The following MAST4 variants were observed in gnomAD, a reference collection of about 807,000 sequenced individuals.
The protein encoded by MAST4 is microtubule-associated serine/threonine-protein kinase 4.
MAST4 carries 89 observed loss-of-function variants against 162.7 expected under a neutral mutation model. The ratio of observed to expected loss-of-function variants is 0.55; its 90% CI spans 0.46 to 0.65. MAST4 has a LOEUF of 0.65. MAST4 is among the 30% of genes least tolerant of loss of function. The probability of loss-of-function intolerance (pLI) is 0.00; values close to 1 mark genes in which losing one functional copy is unlikely to be tolerated. For missense variants in MAST4, 3,153 were observed against 3,374.0 expected, an observed-to-expected ratio of 0.93 and a Z score of 1.62; for synonymous variants, 1,479 against 1,361.1, an observed-to-expected ratio of 1.09 and a Z score of -1.91.
chr5:66,624,444 C>T (rs1452998445), intron 1 of MAST4, among the ~76,000 whole-genome samples: 5 of 152,012 alleles, frequency 3.3e-5, no homozygotes, highest in Admixed American at 2.0e-4. Context: ...TGAGCCACAG[C>T]GCCCGGCCTG....
chr5:66,648,582 C>G (rs1746017037), intron 1 of MAST4, among the ~76,000 whole-genome samples: 2 of 151,924 alleles, frequency 1.3e-5, no homozygotes, highest in African/African-American at 4.8e-5. Flanking sequence ...ACCCAAGACT[C>G]CAAAGAAAAT....
intron 3 of MAST4, 123 bp downstream of exon 3, chr5:66,788,917 C>A: frequency 8.0e-7 from 1 of 1,252,008 alleles, no homozygotes; most frequent in Non-Finnish European, 1.0e-6. Flanking sequence ...ACATATTTGG[C>A]AATGTGGAAT....
intron 1 of MAST4, among the ~76,000 whole-genome samples, chr5:66,659,357 C>T (rs956938458): frequency 5.9e-5 from 9 of 152,154 alleles, no homozygotes; most frequent in South Asian, 4.1e-4. Flanking sequence ...CATCTGATTT[C>T]GAATCTGTTT....
At chr5:66,955,799 G>T (rs1231422525) in intron 4 of MAST4, among the ~76,000 whole-genome samples, 1 of 152,092 alleles carries the variant, frequency 6.6e-6, no homozygotes, top group African/African-American at 2.4e-5. Flanking sequence ...ATGCACACAA[G>T]TATATACATA....
At chr5:66,799,140 C>G (rs948935766) in intron 3 of MAST4, among the ~76,000 whole-genome samples, 7 of 152,240 alleles carry the variant, frequency 4.6e-5, no homozygotes, top group Admixed American at 4.6e-4. Flanking sequence ...TGGTAGTAAA[C>G]CACCTGCCAT....
chr5:66,599,004 C>A (rs1240323326), intron 1 of MAST4, among the ~76,000 whole-genome samples: 1 of 152,176 alleles, frequency 6.6e-6, no homozygotes, highest in Non-Finnish European at 1.5e-5. Flanking sequence ...TTTGTGAAAT[C>A]TCAGAATTGC....
At chr5:67,145,078 C>A in intron 22 of MAST4, 66 bp from the exon 23 acceptor site, 1 of 1,376,100 alleles carries the variant, frequency 7.3e-7, no homozygotes, top group South Asian at 1.3e-5. Flanking sequence ...CTGGTTTCTT[C>A]CAAAATTCAC....
At chr5:66,752,055 G>T (rs2149595438) in intron 1 of MAST4, among the ~76,000 whole-genome samples, 1 of 152,230 alleles carries the variant, frequency 6.6e-6, no homozygotes, top group East Asian at 1.9e-4. Context: ...AGCTTCGTAA[G>T]TGAAGGAGAA....
chr5:66,899,157 G>A (rs1350473243), intron 3 of MAST4, among the ~76,000 whole-genome samples: 1 of 152,092 alleles, frequency 6.6e-6, no homozygotes, highest in African/African-American at 2.4e-5. Context: ...AATTATTCTT[G>A]AGCTTTGAAA....
chr5:67,098,723 G>A (rs1458124130), intron 7 of MAST4, among the ~76,000 whole-genome samples: 1 of 151,958 alleles, frequency 6.6e-6, no homozygotes, highest in Non-Finnish European at 1.5e-5. Flanking sequence ...TTCATTCTTT[G>A]GACCCTTCTC....
intron 4 of MAST4, among the ~76,000 whole-genome samples, chr5:66,966,547 A>G (rs78917409): frequency 3.3e-4 from 50 of 152,318 alleles, no homozygotes; most frequent in African/African-American, 1.2e-3. Flanking sequence ...ATGGCCTTCA[A>G]GGATGCCTTG....
At chr5:66,706,342 T>C (rs16895509) in intron 1 of MAST4, among the ~76,000 whole-genome samples, 1 of 152,044 alleles carries the variant, frequency 6.6e-6, no homozygotes, top group African/African-American at 2.4e-5. Flanking sequence ...CAAAATGAGT[T>C]GGAGGACAGA....
At chr5:66,826,191 G>A (rs1386918063) in intron 3 of MAST4, among the ~76,000 whole-genome samples, 1 of 151,772 alleles carries the variant, frequency 6.6e-6, no homozygotes, top group Non-Finnish European at 1.5e-5. Flanking sequence ...TAAAATGTAT[G>A]TGTATCACTT....
intron 4 of MAST4, among the ~76,000 whole-genome samples, chr5:67,012,041 C>A (rs747258831): frequency 5.3e-5 from 8 of 152,158 alleles, no homozygotes; most frequent in Non-Finnish European, 1.2e-4. Flanking sequence ...TGTGTCTTCA[C>A]TCAAGGCAGT....
intron 1 of MAST4, among the ~76,000 whole-genome samples, chr5:66,599,953 A>AT (rs1742450477): frequency 6.6e-6 from 1 of 150,864 alleles, no homozygotes; most frequent in Non-Finnish European, 1.5e-5. Flanking sequence ...TTACAGTAAC[A>AT]TTGTATCAAA....
chr5:66,646,554 C>A (rs965254236), intron 1 of MAST4, among the ~76,000 whole-genome samples: 1 of 152,106 alleles, frequency 6.6e-6, no homozygotes, highest in African/African-American at 2.4e-5. Flanking sequence ...ATAATTTTTC[C>A]AGGAAGCTAG....
chr5:66,934,016 A>G (rs1248947748), intron 4 of MAST4, among the ~76,000 whole-genome samples: 1 of 152,136 alleles, frequency 6.6e-6, no homozygotes, highest in Non-Finnish European at 1.5e-5. Context: ...TTTATAAAGA[A>G]AAAAGTCAGA....
chr5:67,031,358 A>T (rs527518392), intron 4 of MAST4, among the ~76,000 whole-genome samples: 1 of 152,208 alleles, frequency 6.6e-6, no homozygotes, highest in Non-Finnish European at 1.5e-5. Flanking sequence ...TAATAAGGAC[A>T]TATTTTAAGT....
At chr5:66,837,955 A>G (rs187535798) in intron 3 of MAST4, among the ~76,000 whole-genome samples, 1 of 129,496 alleles carries the variant, frequency 7.7e-6, no homozygotes, top group East Asian at 2.2e-4. Flanking sequence ...TACTCACCAT[A>G]TTTGTTTGTT....
Sources: allele counts gnomAD v4.1 joint callset (sites outside exome capture counted in the v4.1 genomes callset), GRCh38; gene constraint gnomAD v4.1.1; transcripts MANE v1.5; gene names NCBI Gene and HGNC (gene_info 2026-07-23, HGNC 2026-07-21).